The following MCTP2 variants were observed in gnomAD, a reference collection of about 807,000 sequenced individuals.
MCTP2 encodes the protein multiple C2 and transmembrane domain containing 2.
MCTP2 carries 132 observed loss-of-function variants against 111.6 expected under a neutral mutation model. That is an observed-to-expected ratio of 1.18 (90% confidence interval 1.03 to 1.37). The LOEUF (loss-of-function observed/expected upper bound fraction) is 1.37. MCTP2 is among the 40% of genes most tolerant of loss of function. The pLI, the probability that MCTP2 is intolerant of heterozygous loss-of-function variation, is 0.00. For synonymous variants in MCTP2, 395 were observed against 387.7 expected (o/e 1.02, Z -0.22); for missense variants, 1,183 against 1,067.9 (o/e 1.11, Z -1.50).
chr15:94,373,434 T>C (rs1412646078), intron 12 of MCTP2, among the ~76,000 whole-genome samples: 1 of 152,252 alleles, frequency 6.6e-6, no homozygotes, highest in Non-Finnish European at 1.5e-5. Flanking sequence ...AATCTGTGTA[T>C]ATTACCAGGA....
intron 4 of MCTP2, among the ~76,000 whole-genome samples, chr15:94,331,954 C>G (rs933024587): frequency 6.6e-6 from 1 of 152,158 alleles, no homozygotes; most frequent in South Asian, 2.1e-4. Flanking sequence ...GAGAAGCATG[C>G]GGCCCTTATC....
At chr15:94,447,294 C>T (rs1189383607) in intron 19 of MCTP2, among the ~76,000 whole-genome samples, 3 of 152,158 alleles carry the variant, frequency 2.0e-5, no homozygotes, top group African/African-American at 7.2e-5. Context: ...CTATAATATC[C>T]TAACCAGAGA....
At chr15:94,389,420 G>A (rs1486808565) in intron 14 of MCTP2, among the ~76,000 whole-genome samples, 2 of 152,142 alleles carry the variant, frequency 1.3e-5, no homozygotes, top group African/African-American at 4.8e-5. Flanking sequence ...TTTTTGACCT[G>A]GAGGTAGAGA....
chr15:94,369,000 A>G (rs2079346515), intron 11 of MCTP2, among the ~76,000 whole-genome samples: 1 of 152,234 alleles, frequency 6.6e-6, no homozygotes, highest in East Asian at 1.9e-4. Context: ...GTTTCAAAGC[A>G]CAAGTTACAG....
At chr15:94,259,771 A>G (rs1185061728) in intron 1 of MCTP2, among the ~76,000 whole-genome samples, 3 of 152,210 alleles carry the variant, frequency 2.0e-5, no homozygotes, top group Admixed American at 1.3e-4. Flanking sequence ...TCATTTGGTG[A>G]AGGATACTGC....
intron 1 of MCTP2, among the ~76,000 whole-genome samples, chr15:94,264,380 G>A (rs1253599336): frequency 3.3e-5 from 5 of 151,992 alleles, no homozygotes; most frequent in African/African-American, 4.8e-5. Flanking sequence ...AGGCCGAGGC[G>A]GGTGGATCAC....
chr15:94,421,883 G>T (rs1329790136), intron 17 of MCTP2, among the ~76,000 whole-genome samples: 1 of 152,154 alleles, frequency 6.6e-6, no homozygotes, highest in Non-Finnish European at 1.5e-5. Flanking sequence ...CCATTATTCT[G>T]CCTACCACAA....
chr15:94,371,285 C>T lies in MCTP2; in HGVS notation c.1582+1105C>T, dbSNP rs916414310. Among the ~76,000 whole-genome samples, 47 of 152,166 alleles carry T rather than the reference C, an allele frequency of 3.1e-4. 1 individual carries two copies. Among genetic ancestry groups the T allele is most frequent in the African/African-American group, 1.1e-3 (46 of 41,530 alleles). On this transcript the variant is annotated intron_variant, in intron 12 of 22. Transcript: ENST00000357742. The stretch of plus-strand genomic sequence containing the variant: ...TGTAGGTGAAGTACTCAGATGATTG[C>T]TCTTAATATTCACTAGTATTATTGC...
rs138193385 is a variant in MCTP2, at chr15:94,258,420, A to G, written c.-66+26756A>G. ...CCATCACCTGGGTCCACAAAAAAGC[A>G]TCTGTGTCTACTTCTGAAAATGCAA... is the stretch of plus-strand genomic sequence containing the variant. On this transcript the variant is annotated intron_variant, in intron 1 of 22. Transcript: ENST00000357742. 3.5e-3 allele frequency among the ~76,000 whole-genome samples: 538 copies of G among 152,310 alleles called. 4 individuals are homozygous for G. Among genetic ancestry groups the G allele is most frequent in the Non-Finnish European group, 6.0e-3 (410 of 68,020 alleles).
intron 1 of MCTP2, among the ~76,000 whole-genome samples, chr15:94,250,223 A>G (rs1451372813): frequency 6.6e-6 from 1 of 152,196 alleles, no homozygotes; most frequent in Admixed American, 6.5e-5. Flanking sequence ...AGTGAAAATG[A>G]GTGGCTCGTA....
intron 1 of MCTP2, among the ~76,000 whole-genome samples, chr15:94,285,987 G>A (rs572377097): frequency 6.6e-6 from 1 of 152,254 alleles, no homozygotes; most frequent in Admixed American, 6.5e-5. Context: ...AGTATGTCTA[G>A]TATATGAAAT....
intron 12 of MCTP2, among the ~76,000 whole-genome samples, chr15:94,380,506 GC>G (rs2152451692): frequency 6.6e-6 from 1 of 152,306 alleles, no homozygotes; most frequent in East Asian, 1.9e-4. Context: ...GGTGGCTCAT[GC>G]CTGTAATCCC....
At chr15:94,244,427 T>C (rs1266577495) in intron 1 of MCTP2, among the ~76,000 whole-genome samples, 1 of 149,698 alleles carries the variant, frequency 6.7e-6, no homozygotes, top group Non-Finnish European at 1.5e-5. Flanking sequence ...TACACATACA[T>C]ATGCACCTAT....
In MCTP2 at chr15:94,352,438, C is replaced by G. The variant is rs188563011; in HGVS notation, c.1006-3699C>G. 2.1e-4 allele frequency among the ~76,000 whole-genome samples: 32 copies of G among 152,214 alleles called. No homozygotes were observed. The East Asian group carries it at 5.6e-3, about 27-fold the overall frequency. On this transcript the variant is annotated intron_variant, in intron 8 of 22. Coordinates refer to ENST00000357742, the MANE Select transcript of MCTP2 (RefSeq NM_001385001.1). ...TTGGTGAGGTGGGGGCTGAGAAAGA[C>G]AGAGCAGATGAATGAATCAACATAG...
intron 1 of MCTP2, among the ~76,000 whole-genome samples, chr15:94,269,617 G>A (rs1029874979): frequency 2.6e-5 from 4 of 152,136 alleles, no homozygotes; most frequent in Non-Finnish European, 1.5e-5. Flanking sequence ...TATGTGATTA[G>A]CCATTGCTGT....
chr15:94,462,175 ACC>A (rs1221418514), intron 20 of MCTP2, among the ~76,000 whole-genome samples: 1 of 152,148 alleles, frequency 6.6e-6, no homozygotes, highest in Non-Finnish European at 1.5e-5. Context: ...TTGGGGGAGG[ACC>A]CAGAGAATAT....
chr15:94,244,610 A>C (rs562208583), intron 1 of MCTP2, among the ~76,000 whole-genome samples: 11 of 148,580 alleles, frequency 7.4e-5, no homozygotes, highest in African/African-American at 2.8e-4. Context: ...TTATATACGT[A>C]TATGTATACA....
chr15:94,284,525 TG>T (rs1273120265), intron 1 of MCTP2, among the ~76,000 whole-genome samples: 1 of 152,224 alleles, frequency 6.6e-6, no homozygotes, highest in Non-Finnish European at 1.5e-5. Context: ...TTTATCATTG[TG>T]GGTAAAATTC....
intron 1 of MCTP2, among the ~76,000 whole-genome samples, chr15:94,279,694 T>C (rs2074383885): frequency 6.6e-6 from 1 of 152,172 alleles, no homozygotes; most frequent in Non-Finnish European, 1.5e-5. Flanking sequence ...CTTGTTCTGG[T>C]TCTCAAGGAG....
Sources: allele counts gnomAD v4.1 joint callset (sites outside exome capture counted in the v4.1 genomes callset), GRCh38; gene constraint gnomAD v4.1.1; transcripts MANE v1.5; gene names NCBI Gene and HGNC (gene_info 2026-07-23, HGNC 2026-07-21).